RHOBTB1: variants seen among roughly 807,000 people sequenced by gnomAD.
RHOBTB1 encodes rho-related BTB domain-containing protein 1.
A neutral mutation model predicts 71.6 loss-of-function variants in RHOBTB1; 40 were observed. The ratio of observed to expected loss-of-function variants is 0.56; its 90% CI spans 0.43 to 0.73. The LOEUF is 0.73. Among genes scored for constraint, RHOBTB1 ranks in the 30% least tolerant of loss-of-function variants. The pLI, the probability that RHOBTB1 is intolerant of heterozygous loss-of-function variation, is 0.00. For missense variants in RHOBTB1, 797 were observed against 894.0 expected (o/e 0.89, Z 1.38); for synonymous variants, 319 against 334.9 (o/e 0.95, Z 0.52).
chr10:60,878,160 G>A lies in RHOBTB1; in HGVS notation c.1576-102C>T, dbSNP rs148687649. On this transcript the variant is annotated intron_variant, in intron 7 of 10. Transcript: ENST00000337910. Reference sequence around the variant, plus strand: ...AAATATCCTGTGTGACTTGATATTGGTGAGTGTTGGACACCTGCTTTGAGG... The same window carrying A: ...AAATATCCTGTGTGACTTGATATTGATGAGTGTTGGACACCTGCTTTGAGG... 392 of 873,206 alleles carry A rather than the reference G, an allele frequency of 4.5e-4. 1 individual carries two copies. In the African/African-American group the frequency reaches 5.5e-3, roughly 12 times the overall value. 54.1% of individuals were successfully genotyped at this position (873,206 alleles called of 1,614,324 possible).
intron 2 of RHOBTB1, among the ~76,000 whole-genome samples, chr10:60,952,607 A>G (rs2085451553): frequency 6.6e-6 from 1 of 152,234 alleles, no homozygotes; most frequent in Non-Finnish European, 1.5e-5. Context: ...ACTGACAGAG[A>G]AAGATTCTAC....
At chr10:60,861,655 G>A in the RHOBTB1 span, among the ~76,000 whole-genome samples, 10 of 102,558 alleles carry the variant, frequency 9.8e-5, no homozygotes, top group East Asian at 6.4e-4. Flanking sequence ...AGAACATCCC[G>A]TTGAAACTGA....
chr10:60,982,475 C>T (rs2086531457), intron 2 of RHOBTB1, among the ~76,000 whole-genome samples: 1 of 152,176 alleles, frequency 6.6e-6, no homozygotes, highest in African/African-American at 2.4e-5. Context: ...GGTTTCTCAA[C>T]CTTGATACCA....
chr10:60,872,320 G>C, intron 9 of RHOBTB1, 30 bp from the exon 10 acceptor site: 2 of 1,517,956 alleles, frequency 1.3e-6, no homozygotes, highest in Middle Eastern at 1.7e-4. Context: ...AGGAGGGTAA[G>C]ACTATTTTCT....
intron 2 of RHOBTB1, among the ~76,000 whole-genome samples, chr10:60,934,167 A>C (rs976957651): frequency 6.6e-6 from 1 of 152,196 alleles, no homozygotes; most frequent in East Asian, 1.9e-4. Context: ...TTCTTCCTTC[A>C]TTATGTGAAA....
intron 2 of RHOBTB1, among the ~76,000 whole-genome samples, chr10:60,972,399 G>A (rs558486915): frequency 6.6e-6 from 1 of 152,166 alleles, no homozygotes; most frequent in South Asian, 2.1e-4. Context: ...CATGGATGAA[G>A]CTGGAAACCA....
At chr10:60,981,778 T>A (rs2086503922) in intron 2 of RHOBTB1, among the ~76,000 whole-genome samples, 1 of 152,024 alleles carries the variant, frequency 6.6e-6, no homozygotes, top group African/African-American at 2.4e-5. Context: ...TAAGTTACTT[T>A]TTTTTTTTAA....
At chr10:60,949,108 A>G (rs1243372262), upstream of RHOBTB1, among the ~76,000 whole-genome samples, 1 of 152,222 alleles carries the variant, frequency 6.6e-6, no homozygotes, top group Non-Finnish European at 1.5e-5. Context: ...TTGATGGGTC[A>G]TAAAGAAAAT....
chr10:60,940,505 A>T (rs2084845621), intron 2 of RHOBTB1, among the ~76,000 whole-genome samples: 1 of 152,220 alleles, frequency 6.6e-6, no homozygotes, highest in Non-Finnish European at 1.5e-5. Context: ...GGTGCCTTTC[A>T]GACAAACTGA....
intron 2 of RHOBTB1, among the ~76,000 whole-genome samples, chr10:60,956,829 A>G (rs2134460549): frequency 6.6e-6 from 1 of 152,234 alleles, no homozygotes; most frequent in East Asian, 1.9e-4. Context: ...ACTCAGTATT[A>G]GAAAGCATTC....
chr10:60,866,665 A>G (rs1218121168), downstream of RHOBTB1, among the ~76,000 whole-genome samples: 1 of 152,068 alleles, frequency 6.6e-6, no homozygotes, highest in African/African-American at 2.4e-5. Flanking sequence ...CTCAGCCCAG[A>G]AGTGGGCTGA....
At chr10:60,997,950 T>A (rs1032502708) in intron 1 of RHOBTB1, among the ~76,000 whole-genome samples, 1 of 152,226 alleles carries the variant, frequency 6.6e-6, no homozygotes, top group African/African-American at 2.4e-5. Context: ...TTAGGTTCTA[T>A]AGCTTATGGT....
chr10:60,973,961 A>G (rs2086240550), intron 2 of RHOBTB1, among the ~76,000 whole-genome samples: 1 of 152,074 alleles, frequency 6.6e-6, no homozygotes, highest in South Asian at 2.1e-4. Flanking sequence ...TGAAGATGGA[A>G]GAATGACCTT....
intron 2 of RHOBTB1, among the ~76,000 whole-genome samples, chr10:60,968,882 G>A (rs1162247551): frequency 2.0e-5 from 3 of 152,060 alleles, no homozygotes; most frequent in Admixed American, 2.0e-4. Context: ...GACATCAGGG[G>A]TGTTGGCAGT....
At chr10:60,905,407 G>A (rs1050336689) in intron 4 of RHOBTB1, among the ~76,000 whole-genome samples, 14 of 124,174 alleles carry the variant, frequency 1.1e-4, no homozygotes, top group South Asian at 7.7e-4. Flanking sequence ...CCAAGATCGC[G>A]CCACTGCACA....
chr10:60,999,373 A>G (rs1342328800), intron 1 of RHOBTB1, among the ~76,000 whole-genome samples: 1 of 152,254 alleles, frequency 6.6e-6, no homozygotes, highest in African/African-American at 2.4e-5. Context: ...ACAACAACAA[A>G]AAAGATCCCT....
intron 2 of RHOBTB1, among the ~76,000 whole-genome samples, chr10:60,956,585 T>C (rs577916639): frequency 1.3e-5 from 2 of 152,276 alleles, no homozygotes; most frequent in East Asian, 3.8e-4. Flanking sequence ...TGTACAAAAA[T>C]ATCTTCTTTA....
chr10:60,924,140 T>G (rs182487364), intron 2 of RHOBTB1, among the ~76,000 whole-genome samples: 1 of 152,124 alleles, frequency 6.6e-6, no homozygotes, highest in African/African-American at 2.4e-5. Flanking sequence ...TACATATCAA[T>G]GACAAACAAA....
intron 1 of RHOBTB1, among the ~76,000 whole-genome samples, chr10:60,995,083 A>AG (rs1156546706): frequency 1.3e-5 from 2 of 152,002 alleles, no homozygotes; most frequent in Non-Finnish European, 2.9e-5. Flanking sequence ...GTGACTAAAG[A>AG]TCATAAATAG....
Sources: allele counts gnomAD v4.1 joint callset (sites outside exome capture counted in the v4.1 genomes callset), GRCh38; gene constraint gnomAD v4.1.1; transcripts MANE v1.5; gene names NCBI Gene and HGNC (gene_info 2026-07-23, HGNC 2026-07-21).